CNTLN: variants seen among roughly 807,000 people sequenced by gnomAD.
CNTLN encodes the protein centlein.
Under a neutral mutation model 180.0 loss-of-function variants are expected in CNTLN, and 212 were observed. The ratio of observed to expected loss-of-function variants is 1.18; its 90% CI spans 1.05 to 1.32. CNTLN has a LOEUF of 1.32. CNTLN is among the 40% of genes most tolerant of loss of function. The pLI, the probability that CNTLN is intolerant of heterozygous loss-of-function variation, is 0.00. For synonymous variants in CNTLN, 722 were observed against 563.1 expected, an observed-to-expected ratio of 1.28 and a Z score of -3.99; for missense variants, 2,095 against 1,610.9, an observed-to-expected ratio of 1.30 and a Z score of -5.14.
chr9:17,499,624 A>T (rs1011308252), intron 25 of CNTLN, among the ~76,000 whole-genome samples: 3 of 152,206 alleles, frequency 2.0e-5, no homozygotes, highest in African/African-American at 7.2e-5. Flanking sequence ...AAATTTTTTT[A>T]AATTGACAGT....
intron 18 of CNTLN, among the ~76,000 whole-genome samples, chr9:17,442,506 C>G (rs1360259532): frequency 6.6e-6 from 1 of 152,172 alleles, no homozygotes; most frequent in Non-Finnish European, 1.5e-5. Context: ...TCAAGTGATT[C>G]TCCTGCCTCA....
intron 2 of CNTLN, among the ~76,000 whole-genome samples, chr9:17,202,004 A>T (rs893513326): frequency 1.3e-5 from 2 of 152,160 alleles, no homozygotes; most frequent in African/African-American, 4.8e-5. Flanking sequence ...ACACTGCTTT[A>T]GACGTGTCCA....
chr9:17,516,700 C>T, the CNTLN span, among the ~76,000 whole-genome samples: 1 of 152,074 alleles, frequency 6.6e-6, no homozygotes, highest in Non-Finnish European at 1.5e-5. Context: ...GTCAGCGAAC[C>T]CCTTTATGGC....
chr9:17,359,967 A>G (rs1206606636), intron 12 of CNTLN, among the ~76,000 whole-genome samples: 3 of 151,982 alleles, frequency 2.0e-5, no homozygotes, highest in Admixed American at 1.3e-4. Context: ...CAATAAGCAC[A>G]TGAAAAAGTG....
intron 22 of CNTLN, 34 bp from the exon 23 acceptor site, chr9:17,466,670 AAT>A (rs1390214280): frequency 1.9e-6 from 3 of 1,547,796 alleles, no homozygotes; most frequent in Middle Eastern, 1.7e-4. Flanking sequence ...CTGTTTATAA[AAT>A]ATCTTTTATT....
At chr9:17,308,985 C>A in intron 7 of CNTLN, 73 bp from the exon 8 acceptor site, 3 of 998,166 alleles carry the variant, frequency 3.0e-6, no homozygotes, top group Non-Finnish European at 4.3e-6. Flanking sequence ...TATATACACA[C>A]ACACACACAC....
intron 2 of CNTLN, among the ~76,000 whole-genome samples, chr9:17,149,511 T>C (rs918733482): frequency 4.3e-5 from 6 of 141,022 alleles, no homozygotes; most frequent in South Asian, 2.3e-4. Context: ...TTTCTTTCTT[T>C]CTTTTTTTTT....
At chr9:17,407,215 C>A (rs992205434) in intron 15 of CNTLN, among the ~76,000 whole-genome samples, 1 of 152,102 alleles carries the variant, frequency 6.6e-6, no homozygotes, top group Non-Finnish European at 1.5e-5. Context: ...ATTAAAAACA[C>A]AAAGATGGGT....
At chr9:17,301,842 C>T (rs1818377730) in intron 7 of CNTLN, 1 of 977,100 alleles carries the variant, frequency 1.0e-6, no homozygotes, top group African/African-American at 1.8e-5. Flanking sequence ...ATACTGTGAA[C>T]ATTTTGAATA....
chr9:17,135,292 A>C lies in CNTLN; in HGVS notation c.227A>C (p.His76Pro). 2.5e-6 allele frequency: 4 copies of C among 1,600,952 alleles called. No individual in the cohort carries two copies. The highest frequency in any genetic ancestry group is 3.4e-6 in the Non-Finnish European group (4 of 1,174,530). The change falls in exon 1 of 26, where the codon CAT becomes CCT. Residue 76 changes from histidine (H) to proline (P), a missense_variant. Transcript: ENST00000380647. ...RRGPGGAAPA[H>P]APLLSAPMGS... ...GGGCCTGGGGGGGCAGCTCCGGCTC[A>C]TGCTCCCCTCCTCAGCGCGCCCATG...
chr9:17,222,123 A>AG (rs1322897759), intron 2 of CNTLN, among the ~76,000 whole-genome samples: 2 of 152,058 alleles, frequency 1.3e-5, no homozygotes, highest in African/African-American at 2.4e-5. Context: ...TTTAAAAAAA[A>AG]CAAAAACAAA....
the CNTLN span, among the ~76,000 whole-genome samples, chr9:17,513,895 A>T: frequency 6.6e-6 from 1 of 152,236 alleles, no homozygotes; most frequent in African/African-American, 2.4e-5. Flanking sequence ...ATGCAACATT[A>T]GTAATTAGAA....
intron 12 of CNTLN, among the ~76,000 whole-genome samples, chr9:17,344,735 G>T (rs937304419): frequency 2.7e-4 from 41 of 152,108 alleles, no homozygotes; most frequent in African/African-American, 8.7e-4. Flanking sequence ...TTGTTTTGAG[G>T]ACAGAAATTT....
intron 16 of CNTLN, among the ~76,000 whole-genome samples, chr9:17,410,933 G>A (rs2133852300): frequency 6.6e-6 from 1 of 152,202 alleles, no homozygotes; most frequent in South Asian, 2.1e-4. Flanking sequence ...TTGATTGCAT[G>A]TTGAACAAGT....
At chr9:17,185,745 T>G (rs572502854) in intron 2 of CNTLN, among the ~76,000 whole-genome samples, 2 of 151,532 alleles carry the variant, frequency 1.3e-5, no homozygotes, top group Non-Finnish European at 2.9e-5. Context: ...TTTTCTCTCC[T>G]CTTTGCTTTT....
In CNTLN at chr9:17,214,387, C is replaced by T. The variant is rs149931790; in HGVS notation, c.450-11816C>T. 3.3e-5 allele frequency among the ~76,000 whole-genome samples: 5 copies of T among 152,338 alleles called. No homozygotes were observed. In the East Asian group the frequency reaches 9.6e-4, roughly 29 times the overall value. Reference sequence around the variant, plus strand: ...TAAGAATGTTGAATATAGGCACCCACTCTCTTCTGGCTTGCAGAGTTTCTG... The same window carrying T: ...TAAGAATGTTGAATATAGGCACCCATTCTCTTCTGGCTTGCAGAGTTTCTG... On this transcript the variant is annotated intron_variant, in intron 2 of 25. Transcript: ENST00000380647.
intron 13 of CNTLN, among the ~76,000 whole-genome samples, chr9:17,369,093 G>C (rs115375029): frequency 6.6e-6 from 1 of 152,120 alleles, no homozygotes; most frequent in Non-Finnish European, 1.5e-5. Context: ...TGTCAAAAGA[G>C]AGACCAGGTG....
At chr9:17,252,619 C>T (rs538220555) in intron 5 of CNTLN, among the ~76,000 whole-genome samples, 1 of 151,528 alleles carries the variant, frequency 6.6e-6, no homozygotes, top group African/African-American at 2.4e-5. Context: ...AGTTCCTTGT[C>T]GATTCTAGTT....
chr9:17,224,642 C>T (rs1032105700), intron 2 of CNTLN, among the ~76,000 whole-genome samples: 3 of 151,826 alleles, frequency 2.0e-5, no homozygotes, highest in Admixed American at 1.3e-4. Context: ...GAGCTTAGTC[C>T]ATTTAGTTGT....
Sources: allele counts gnomAD v4.1 joint callset (sites outside exome capture counted in the v4.1 genomes callset), GRCh38; gene constraint gnomAD v4.1.1; transcripts MANE v1.5; gene names NCBI Gene and HGNC (gene_info 2026-07-23, HGNC 2026-07-21).